Variants in TRERF1 observed in about 807,000 individuals in gnomAD.
The protein encoded by TRERF1 is transcriptional regulating factor 1, also known as transcriptional-regulating factor 1.
Under a neutral mutation model 122.9 loss-of-function variants are expected in TRERF1, and 27 were observed. That is an observed-to-expected ratio of 0.22 (90% CI 0.16 to 0.30). The LOEUF is 0.30. TRERF1 is among the 10% of genes least tolerant of loss of function. The pLI is 1.00. For synonymous variants in TRERF1, 636 were observed against 641.7 expected (o/e 0.99, Z 0.13); for missense variants, 1,248 against 1,560.3 (o/e 0.80, Z 3.37).
intron 2 of TRERF1, among the ~76,000 whole-genome samples, chr6:42,435,717 T>A (rs566705641): frequency 1.2e-4 from 19 of 152,174 alleles, no homozygotes; most frequent in Middle Eastern, 3.4e-3. Context: ...GGCTCACACC[T>A]GTAATCCCAG....
At chr6:42,396,330 C>G (rs1424181311) in intron 2 of TRERF1, among the ~76,000 whole-genome samples, 1 of 152,060 alleles carries the variant, frequency 6.6e-6, no homozygotes, top group Non-Finnish European at 1.5e-5. Context: ...AATCTGGGCC[C>G]CCACCCCTCC....
At chr6:42,295,351 C>A (rs1161783837) in intron 4 of TRERF1, among the ~76,000 whole-genome samples, 2 of 152,160 alleles carry the variant, frequency 1.3e-5, no homozygotes, top group African/African-American at 4.8e-5. Context: ...ATGTGGAAAC[C>A]CATTCAAGAC....
intron 3 of TRERF1, among the ~76,000 whole-genome samples, chr6:42,311,829 C>A (rs977445942): frequency 6.8e-6 from 1 of 148,140 alleles, no homozygotes; most frequent in African/African-American, 2.5e-5. Flanking sequence ...GAGATGGGGT[C>A]TGATTCACTT....
intron 3 of TRERF1, among the ~76,000 whole-genome samples, chr6:42,352,735 G>T (rs1423333813): frequency 6.6e-6 from 1 of 152,032 alleles, no homozygotes; most frequent in Non-Finnish European, 1.5e-5. Context: ...ATAATAACTG[G>T]GGGGGAAAGA....
chr6:42,361,529 G>C (rs547382898), intron 3 of TRERF1, among the ~76,000 whole-genome samples: 5 of 152,222 alleles, frequency 3.3e-5, no homozygotes, highest in African/African-American at 1.2e-4. Flanking sequence ...ATTAATGAGT[G>C]GCCTTGGGCA....
intron 3 of TRERF1, among the ~76,000 whole-genome samples, chr6:42,317,002 T>C (rs1185168319): frequency 6.6e-6 from 1 of 152,304 alleles, no homozygotes; most frequent in East Asian, 1.9e-4. Context: ...CATCTGACTC[T>C]ACCTGGACCT....
intron 4 of TRERF1, among the ~76,000 whole-genome samples, chr6:42,299,336 A>G (rs902661582): frequency 3.3e-5 from 5 of 152,160 alleles, no homozygotes; most frequent in African/African-American, 1.2e-4. Context: ...ATGAGGGGGG[A>G]AAATACCTCA....
rs762360054 is a variant in TRERF1 at position 42,307,998 on chromosome 6, C to T, written c.-370-7249G>A. On this transcript the variant is annotated intron_variant, in intron 3 of 17. Coordinates refer to ENST00000372922, the Ensembl canonical transcript of TRERF1. ...TGACCTGGAAGTGGAGACACTGGCA[C>T]CCTATGCATTCCCAGTAGGGATGGA... is the stretch of plus-strand genomic sequence containing the variant. Among the ~76,000 whole-genome samples the T allele has an allele frequency of 5.9e-5, 9 of 152,220 alleles. No individual in the cohort carries two copies. In the South Asian group the frequency reaches 1.7e-3, roughly 28 times the overall value.
intron 3 of TRERF1, among the ~76,000 whole-genome samples, chr6:42,360,790 A>AC (rs1250131919): frequency 1.4e-5 from 2 of 147,230 alleles, no homozygotes; most frequent in Non-Finnish European, 3.0e-5. Flanking sequence ...AAAAAAAAAA[A>AC]AAAAAAAAAA....
chr6:42,427,184 T>C (rs1414823477), intron 2 of TRERF1, among the ~76,000 whole-genome samples: 2 of 152,032 alleles, frequency 1.3e-5, no homozygotes, highest in African/African-American at 4.8e-5. Context: ...AATTTGTTTT[T>C]AAAAAAGAAC....
chr6:42,412,063 C>A (rs536917144), intron 2 of TRERF1, among the ~76,000 whole-genome samples: 2 of 138,050 alleles, frequency 1.4e-5, no homozygotes, highest in Non-Finnish European at 3.0e-5. Flanking sequence ...TGCAATGGTG[C>A]GATCTCGGCT....
At chr6:42,379,154 C>A (rs535574641) in intron 2 of TRERF1, among the ~76,000 whole-genome samples, 1 of 151,746 alleles carries the variant, frequency 6.6e-6, no homozygotes, top group Admixed American at 6.6e-5. Flanking sequence ...TTGTGTGTAC[C>A]ACCCCCCACA....
At chr6:42,386,700 G>C (rs184213716) in intron 2 of TRERF1, among the ~76,000 whole-genome samples, 46 of 152,328 alleles carry the variant, frequency 3.0e-4, no homozygotes, top group Admixed American at 4.6e-4. Context: ...GGATCAAGAA[G>C]CCAACTCCTG....
At chr6:42,394,113 A>C (rs1581972795) in intron 2 of TRERF1, among the ~76,000 whole-genome samples, 1 of 152,270 alleles carries the variant, frequency 6.6e-6, no homozygotes, top group East Asian at 1.9e-4. Flanking sequence ...GCCTGAGAAG[A>C]CTACAAAGAA....
intron 3 of TRERF1, among the ~76,000 whole-genome samples, chr6:42,319,250 A>C (rs1762994400): frequency 6.6e-6 from 1 of 152,226 alleles, no homozygotes; most frequent in Admixed American, 6.5e-5. Flanking sequence ...TTATGCATCA[A>C]AATGTAAGAT....
chr6:42,299,200 T>TCTATCTA (rs1785685950), intron 4 of TRERF1, among the ~76,000 whole-genome samples: 3 of 146,598 alleles, frequency 2.0e-5, no homozygotes, highest in South Asian at 4.4e-4. Context: ...GTCTGTTTTT[T>TCTATCTA]TCTATCTATC....
intron 4 of TRERF1, among the ~76,000 whole-genome samples, chr6:42,273,895 T>C (rs571326829): frequency 1.3e-5 from 2 of 152,340 alleles, no homozygotes; most frequent in East Asian, 1.9e-4. Context: ...TATGGCCCTG[T>C]GGGTAGAATG....
intron 2 of TRERF1, among the ~76,000 whole-genome samples, chr6:42,415,615 C>T (rs2151495460): frequency 1.3e-5 from 2 of 152,204 alleles, no homozygotes; most frequent in South Asian, 4.1e-4. Flanking sequence ...TTATGAAGAT[C>T]CTATATTTTT....
At chr6:42,350,244 C>T (rs541591433) in intron 3 of TRERF1, among the ~76,000 whole-genome samples, 2 of 152,290 alleles carry the variant, frequency 1.3e-5, no homozygotes, top group South Asian at 2.1e-4. Context: ...CAAGCCCTCA[C>T]GTTTTGCAGA....
Sources: allele counts gnomAD v4.1 joint callset (sites outside exome capture counted in the v4.1 genomes callset), GRCh38; gene constraint gnomAD v4.1.1; transcripts MANE v1.5; gene names NCBI Gene and HGNC (gene_info 2026-07-23, HGNC 2026-07-21).